Variants in GLRA3 observed in about 807,000 individuals in gnomAD.
GLRA3 encodes glycine receptor subunit alpha-3.
Under a neutral mutation model 60.4 loss-of-function variants are expected in GLRA3, and 44 were observed. The ratio of observed to expected loss-of-function variants is 0.73; its 90% confidence interval spans 0.57 to 0.94. GLRA3 has a LOEUF of 0.94. Among genes scored for constraint, GLRA3 ranks in the 40% least tolerant of loss-of-function variants. The pLI is 0.00. For synonymous variants in GLRA3, 223 were observed against 192.9 expected, an observed-to-expected ratio of 1.16 and a Z score of -1.29; for missense variants, 508 against 564.6, an observed-to-expected ratio of 0.90 and a Z score of 1.02.
At chr4:174,777,374 T>A (rs1738641794) in intron 2 of GLRA3, among the ~76,000 whole-genome samples, 1 of 152,116 alleles carries the variant, frequency 6.6e-6, no homozygotes, top group South Asian at 2.1e-4. Flanking sequence ...AAATGAGCTA[T>A]CAAGCCACGA....
chr4:174,681,068 A>G (rs1202058958), intron 6 of GLRA3, among the ~76,000 whole-genome samples: 1 of 152,148 alleles, frequency 6.6e-6, no homozygotes, highest in Non-Finnish European at 1.5e-5. Context: ...TGGGCACGTT[A>G]TTTTGCTTCT....
At chr4:174,785,511 T>C (rs1739087942) in intron 2 of GLRA3, among the ~76,000 whole-genome samples, 1 of 152,206 alleles carries the variant, frequency 6.6e-6, no homozygotes, top group Admixed American at 6.5e-5. Context: ...TTTTGGCTAA[T>C]GAGATTAAAC....
intron 4 of GLRA3, among the ~76,000 whole-genome samples, chr4:174,718,517 T>C (rs1305873551): frequency 6.6e-6 from 1 of 152,206 alleles, no homozygotes; most frequent in East Asian, 1.9e-4. Context: ...TCATTAAAAT[T>C]CAATTATTGA....
At chr4:174,730,823 T>C (rs1304541403) in intron 3 of GLRA3, among the ~76,000 whole-genome samples, 1 of 152,176 alleles carries the variant, frequency 6.6e-6, no homozygotes, top group East Asian at 1.9e-4. Flanking sequence ...TCTCTATCTC[T>C]TAATACATTT....
At chr4:174,719,112 C>T (rs1290352361) in intron 4 of GLRA3, among the ~76,000 whole-genome samples, 2 of 151,442 alleles carry the variant, frequency 1.3e-5, no homozygotes, top group African/African-American at 2.4e-5. Context: ...TACAGGCGCC[C>T]GCCACCTCGC....
chr4:174,667,467 CAATT>C (rs912015060), intron 7 of GLRA3, among the ~76,000 whole-genome samples: 1 of 151,996 alleles, frequency 6.6e-6, no homozygotes, highest in African/African-American at 2.4e-5. Flanking sequence ...AAGAAGCTGT[CAATT>C]AATTAGGGTA....
intron 5 of GLRA3, among the ~76,000 whole-genome samples, chr4:174,712,001 T>A (rs1209436536): frequency 2.6e-5 from 4 of 152,150 alleles, no homozygotes; most frequent in African/African-American, 9.6e-5. Flanking sequence ...ATTCTATTTT[T>A]ATTCTTTGAT....
intron 3 of GLRA3, among the ~76,000 whole-genome samples, chr4:174,761,021 G>T (rs1208602941): frequency 6.6e-6 from 1 of 151,988 alleles, no homozygotes; most frequent in African/African-American, 2.4e-5. Flanking sequence ...CATACAGAAT[G>T]AACATTTATA....
chr4:174,661,634 T>A (rs4368581), intron 7 of GLRA3, among the ~76,000 whole-genome samples: 45,773 of 152,010 alleles, frequency 0.3, 8,007 homozygotes, highest in Admixed American at 0.47. Context: ...CATCCCCCAA[T>A]GGCCCCACTG....
intron 2 of GLRA3, among the ~76,000 whole-genome samples, chr4:174,777,287 G>A (rs149412913): frequency 1.3e-3 from 197 of 152,232 alleles, no homozygotes; most frequent in African/African-American, 3.9e-3. Context: ...TCTGGAGCTC[G>A]ATAATTGTAT....
intron 1 of GLRA3, among the ~76,000 whole-genome samples, chr4:174,817,518 C>T (rs1740554486): frequency 6.6e-6 from 1 of 152,174 alleles, no homozygotes; most frequent in African/African-American, 2.4e-5. Flanking sequence ...CTGTTCATCC[C>T]TTATTTACTT....
chr4:174,685,401 T>A (rs771659540), intron 5 of GLRA3, among the ~76,000 whole-genome samples: 1 of 152,176 alleles, frequency 6.6e-6, no homozygotes, highest in South Asian at 2.1e-4. Context: ...TTAGACTGTA[T>A]GGGATTCTGC....
At chr4:174,684,337 C>T (rs1734470102) in intron 5 of GLRA3, among the ~76,000 whole-genome samples, 1 of 151,550 alleles carries the variant, frequency 6.6e-6, no homozygotes, top group African/African-American at 2.4e-5. Context: ...AGTACTACCA[C>T]ATAATGCCTC....
At chr4:174,714,508 G>T (rs1298121816) in intron 5 of GLRA3, among the ~76,000 whole-genome samples, 1 of 152,126 alleles carries the variant, frequency 6.6e-6, no homozygotes, top group East Asian at 1.9e-4. Context: ...AGTTATCAGA[G>T]AAATTGATAT....
rs1326366363 is a variant in GLRA3, at chr4:174,682,848, C to T, written c.666G>A (p.Leu222=). The change falls in exon 6 of 10, where the codon TTG becomes TTA. Residue 222 remains leucine, a synonymous_variant. Transcript: ENST00000274093. ...AEGLTLPQFL[L]KEEKDLRYCT... ...AGTATCGTAAATCTTTTTCTTCTTT[C>T]AACAGAAACTGGGGCAAAGTGAGTC... The T allele has an allele frequency of 8.1e-6, 13 of 1,612,894 alleles. No individual in the cohort carries two copies. In the Admixed American group the frequency reaches 2.2e-4, roughly 27 times the overall value.
At chr4:174,706,049 G>GA (rs1735502903) in intron 5 of GLRA3, among the ~76,000 whole-genome samples, 1 of 152,024 alleles carries the variant, frequency 6.6e-6, no homozygotes, top group Admixed American at 6.5e-5. Flanking sequence ...GTAACATGGT[G>GA]AAACCCCGTC....
At chr4:174,731,071 G>T (rs910800681) in intron 3 of GLRA3, among the ~76,000 whole-genome samples, 35 of 152,082 alleles carry the variant, frequency 2.3e-4, no homozygotes, top group African/African-American at 8.5e-4. Flanking sequence ...CTATGCTTTG[G>T]TTCAGGGCCA....
chr4:174,693,120 T>G (rs1734922234), intron 5 of GLRA3, among the ~76,000 whole-genome samples: 1 of 152,190 alleles, frequency 6.6e-6, no homozygotes, highest in East Asian at 1.9e-4. Flanking sequence ...CTGTTTACAC[T>G]GTTGATAGTC....
intron 1 of GLRA3, among the ~76,000 whole-genome samples, chr4:174,828,466 A>C (rs1173148648): frequency 1.3e-5 from 2 of 152,252 alleles, no homozygotes; most frequent in Admixed American, 1.3e-4. Flanking sequence ...CAATTTGAGA[A>C]GGAAAACGTA....
Sources: allele counts gnomAD v4.1 joint callset (sites outside exome capture counted in the v4.1 genomes callset), GRCh38; gene constraint gnomAD v4.1.1; transcripts MANE v1.5; gene names NCBI Gene and HGNC (gene_info 2026-07-23, HGNC 2026-07-21).